The following LAMC1 variants were observed in gnomAD, a reference collection of about 807,000 sequenced individuals.
LAMC1 encodes the protein laminin subunit gamma-1.
A neutral mutation model predicts 173.6 loss-of-function variants in LAMC1; 38 were observed. The ratio of observed to expected loss-of-function variants is 0.22; its 90% CI spans 0.17 to 0.29. The LOEUF is 0.29. LAMC1 is among the 10% of genes least tolerant of loss of function. The pLI is 1.00. For synonymous variants in LAMC1, 746 were observed against 749.1 expected, an observed-to-expected ratio of 1.00 and a Z score of 0.07; for missense variants, 1,824 against 2,051.8, an observed-to-expected ratio of 0.89 and a Z score of 2.14.
At chr1:183,138,922 T>G (rs1657027657) in intron 26 of LAMC1, among the ~76,000 whole-genome samples, 1 of 151,964 alleles carries the variant, frequency 6.6e-6, no homozygotes, top group Non-Finnish European at 1.5e-5. Flanking sequence ...GGCATGGTGG[T>G]GGGTGCCTGT....
chr1:183,042,938 T>A (rs1332528683), intron 1 of LAMC1, among the ~76,000 whole-genome samples: 1 of 152,198 alleles, frequency 6.6e-6, no homozygotes, highest in Non-Finnish European at 1.5e-5. Context: ...ACGATGCTGA[T>A]GGTGTTTACC....
rs369045842 is a variant in LAMC1, at chr1:183,142,486, T to G, written c.4574-48T>G. Reference sequence around the variant, plus strand: ...GTGCAGGTACTTGTGAAGGGATCATTCTTACTGAATATGTCTGTTCTCTTC... The same window carrying G: ...GTGCAGGTACTTGTGAAGGGATCATGCTTACTGAATATGTCTGTTCTCTTC... On this transcript the variant is annotated intron_variant, in intron 27 of 27. Coordinates refer to ENST00000258341, the MANE Select transcript of LAMC1 (RefSeq NM_002293.4). 5.2e-6 allele frequency: 8 copies of G among 1,542,464 alleles called. No homozygotes were observed. In the African/African-American group the frequency reaches 1.1e-4, roughly 21 times the overall value.
chr1:183,109,825 A>G (rs1050806062), intron 3 of LAMC1, among the ~76,000 whole-genome samples: 37 of 152,226 alleles, frequency 2.4e-4, no homozygotes, highest in African/African-American at 8.4e-4. Flanking sequence ...TTGTTATCAT[A>G]CTTGCATCTA....
At chr1:183,089,660 A>G (rs1030084613) in intron 1 of LAMC1, among the ~76,000 whole-genome samples, 2 of 152,186 alleles carry the variant, frequency 1.3e-5, no homozygotes, top group Non-Finnish European at 2.9e-5. Flanking sequence ...AAAAATGACT[A>G]TTTAATCTAT....
intron 2 of LAMC1, among the ~76,000 whole-genome samples, chr1:183,105,336 A>G (rs762920329): frequency 9.7e-4 from 147 of 152,228 alleles, no homozygotes; most frequent in Admixed American, 3.0e-3. Context: ...CAGCTAGCAA[A>G]CATTTGCCAG....
chr1:183,127,266 C>CA lies in LAMC1; in HGVS notation c.2988dup (p.Asp997ArgfsTer2). 1 of 1,614,098 alleles carries CA rather than the reference C, an allele frequency of 6.2e-7. No individual in the cohort carries two copies. Among genetic ancestry groups the CA allele is most frequent in the Non-Finnish European group, 8.5e-7 (1 of 1,179,990 alleles). On this transcript the variant is annotated frameshift_variant, in exon 17 of 28. Transcript: ENST00000258341. LOFTEE classifies it high-confidence loss of function. The stretch of plus-strand genomic sequence containing the variant: ...CTGAGGGATCTCTTTCACTTCAGTG[C>CA]AAAGATGATGGTCGCTGTGAATGCA...
At chr1:183,093,701 A>G (rs1655622599) in intron 1 of LAMC1, among the ~76,000 whole-genome samples, 1 of 152,128 alleles carries the variant, frequency 6.6e-6, no homozygotes, top group Admixed American at 6.5e-5. Flanking sequence ...TTTCGTGGGT[A>G]TCTTCAACTT....
chr1:183,110,718 T>G (rs6672093), intron 4 of LAMC1, 64 bp downstream of exon 4: 1 of 1,501,034 alleles, frequency 6.7e-7, no homozygotes, highest in East Asian at 2.3e-5. Flanking sequence ...GAAGAAGGAA[T>G]GGGTGACTTT....
At chr1:183,121,592 C>A in intron 11 of LAMC1, 131 bp from the exon 12 acceptor site, 1 of 679,706 alleles carries the variant, frequency 1.5e-6, no homozygotes, top group South Asian at 1.9e-5. Context: ...TTTAGTGTAT[C>A]AGAGCCCAGT....
intron 1 of LAMC1, among the ~76,000 whole-genome samples, chr1:183,035,194 AAT>A (rs1212855511): frequency 1.3e-5 from 2 of 152,184 alleles, no homozygotes; most frequent in African/African-American, 4.8e-5. Context: ...TAATTAAAAA[AAT>A]ATATATGTTT....
intron 1 of LAMC1, among the ~76,000 whole-genome samples, chr1:183,067,897 A>G (rs536635365): frequency 1.1e-3 from 172 of 152,342 alleles, no homozygotes; most frequent in African/African-American, 3.6e-3. Flanking sequence ...TGGAAAATCT[A>G]TTATTAGAGG....
At chr1:183,091,217 T>C (rs1655558381) in intron 1 of LAMC1, among the ~76,000 whole-genome samples, 1 of 152,178 alleles carries the variant, frequency 6.6e-6, no homozygotes, top group Admixed American at 6.5e-5. Flanking sequence ...AATCTTTGTT[T>C]TTGTATTCTT....
intron 3 of LAMC1, among the ~76,000 whole-genome samples, chr1:183,109,085 C>T (rs989990571): frequency 2.6e-5 from 4 of 152,178 alleles, no homozygotes; most frequent in Non-Finnish European, 4.4e-5. Context: ...AAGATAGTTT[C>T]GTGGCCAGAG....
intron 15 of LAMC1, 38 bp downstream of exon 15, chr1:183,125,588 T>C: frequency 1.4e-6 from 2 of 1,455,880 alleles, no homozygotes; most frequent in Non-Finnish European, 1.9e-6. Flanking sequence ...TAATCTTTGC[T>C]TTTTCTGTTA....
chr1:183,026,863 A>G (rs1254104366), intron 1 of LAMC1, among the ~76,000 whole-genome samples: 2 of 152,218 alleles, frequency 1.3e-5, no homozygotes, highest in African/African-American at 4.8e-5. Flanking sequence ...AAAATGAAAC[A>G]TGACATTGTA....
At chr1:183,131,427 G>GTAT in intron 20 of LAMC1, 49 bp downstream of exon 20, 1 of 1,084,928 alleles carries the variant, frequency 9.2e-7, no homozygotes. Flanking sequence ...TTCTGTTATG[G>GTAT]GGTGTGTGTG....
Position 183,023,483 on chromosome 1 carries a change from T to G in LAMC1, c.-234T>G, listed in dbSNP as rs1414937722. 8.7e-5 allele frequency: 17 copies of G among 195,494 alleles called. No individual in the cohort carries two copies. Among genetic ancestry groups the G allele is most frequent in the East Asian group, 2.6e-4 (2 of 7,574 alleles). The allele number at this position is 195,494 out of a possible 1,614,324, so 12.1% of individuals were successfully genotyped here. On this transcript the variant is annotated 5_prime_UTR_variant, in exon 1 of 28. Coordinates refer to ENST00000258341, the MANE Select transcript of LAMC1 (RefSeq NM_002293.4). ...GAGTGCAGGCTGCTCCCGGGGTAGG[T>G]GAGGGAAGCGCGGAGGCGGCGCGCG...
At chr1:183,090,178 CAAAT>C (rs1287486594) in intron 1 of LAMC1, among the ~76,000 whole-genome samples, 1 of 151,712 alleles carries the variant, frequency 6.6e-6, no homozygotes, top group Non-Finnish European at 1.5e-5. Flanking sequence ...TCTGGAATCA[CAAAT>C]AAAAGCCAAT....
chr1:183,056,184 C>T (rs1654591966), intron 1 of LAMC1, among the ~76,000 whole-genome samples: 1 of 152,226 alleles, frequency 6.6e-6, no homozygotes, highest in Middle Eastern at 3.2e-3. Context: ...CAGCTGCCTG[C>T]TGCCATGTGT....
Sources: gnomAD v4.1 joint callset for allele counts (sites outside exome capture counted in the v4.1 genomes callset) on GRCh38, gnomAD v4.1.1 for gene constraint, MANE v1.5 for transcripts, NCBI Gene and HGNC (gene_info 2026-07-23, HGNC 2026-07-21) for gene names.